Variants in PDE4D observed in about 807,000 individuals in gnomAD.
PDE4D encodes 3',5'-cyclic-AMP phosphodiesterase 4D.
A neutral mutation model predicts 87.4 loss-of-function variants in PDE4D; 24 were observed. That is an observed-to-expected ratio of 0.27 (90% CI 0.20 to 0.39). The LOEUF (loss-of-function observed/expected upper bound fraction) is 0.39, where lower values mean the gene tolerates loss of function less well. Among genes scored for constraint, PDE4D ranks in the 10% least tolerant of loss-of-function variants. The pLI, the probability that PDE4D is intolerant of heterozygous loss-of-function variation, is 1.00. For missense variants in PDE4D, 714 were observed against 1,041.0 expected (o/e 0.69, Z 4.32); for synonymous variants, 384 against 383.2 (o/e 1.00, Z -0.02).
chr5:60,104,523 T>C (rs1198937251), intron 2 of PDE4D, among the ~76,000 whole-genome samples: 2 of 152,208 alleles, frequency 1.3e-5, no homozygotes, highest in Non-Finnish European at 2.9e-5. Context: ...TCTCCCAGCA[T>C]GCAGCTGGAG....
intron 1 of PDE4D, among the ~76,000 whole-genome samples, chr5:59,218,199 T>C (rs1751693854): frequency 6.6e-6 from 1 of 152,154 alleles, no homozygotes; most frequent in South Asian, 2.1e-4. Context: ...TTATGTTTAT[T>C]TCCCTTTAAT....
rs1582605207 is a variant in PDE4D at position 59,438,561 on chromosome 5, A to G, written c.456-222593T>C. ...ACTCTTCAGTTTGTCTGAATAGTAT[A>G]CAGCTATTGCCCTGGAATGATGATT... On this transcript the variant is annotated intron_variant, in intron 1 of 14. Coordinates refer to ENST00000340635, the MANE Select transcript of PDE4D (RefSeq NM_001104631.2). Among the ~76,000 whole-genome samples the G allele has an allele frequency of 3.9e-5, 6 of 152,334 alleles. No homozygotes were observed. The South Asian group carries it at 1.2e-3, about 32-fold the overall frequency.
chr5:60,063,101 A>G (rs1771623132), intron 2 of PDE4D, among the ~76,000 whole-genome samples: 1 of 63,602 alleles, frequency 1.6e-5, no homozygotes, highest in South Asian at 4.8e-4. Flanking sequence ...GAAAGAAGAA[A>G]GAAAGAAAGA....
At chr5:58,983,569 A>G (rs1745731370) in intron 11 of PDE4D, among the ~76,000 whole-genome samples, 1 of 152,116 alleles carries the variant, frequency 6.6e-6, no homozygotes, top group Non-Finnish European at 1.5e-5. Context: ...TCAAAAGGAG[A>G]GTAGTTAGTT....
At chr5:60,085,201 A>G (rs1461714395) in intron 2 of PDE4D, among the ~76,000 whole-genome samples, 1 of 152,162 alleles carries the variant, frequency 6.6e-6, no homozygotes, top group East Asian at 1.9e-4. Context: ...ATGCAAAAAA[A>G]TGAGAGGGGA....
At chr5:59,197,051 T>C (rs1745606042) in intron 2 of PDE4D, among the ~76,000 whole-genome samples, 1 of 152,184 alleles carries the variant, frequency 6.6e-6, no homozygotes, top group South Asian at 2.1e-4. Flanking sequence ...TTCTTTATAA[T>C]TGACCTACTA....
At chr5:60,241,564 T>C (rs1303072628) in intron 1 of PDE4D, among the ~76,000 whole-genome samples, 2 of 151,972 alleles carry the variant, frequency 1.3e-5, no homozygotes, top group African/African-American at 2.4e-5. Flanking sequence ...AGTCTCTTAA[T>C]AGCAGAATTG....
chr5:59,997,629 A>G (rs1376154332), intron 2 of PDE4D, among the ~76,000 whole-genome samples: 1 of 152,168 alleles, frequency 6.6e-6, no homozygotes. Flanking sequence ...AGAGCCAGAA[A>G]TGTTGCTTTG....
At chr5:59,946,456 AGAT>A (rs1757733011) in intron 3 of PDE4D, among the ~76,000 whole-genome samples, 2 of 152,238 alleles carry the variant, frequency 1.3e-5, no homozygotes, top group South Asian at 4.1e-4. Flanking sequence ...AAGAAATAAG[AGAT>A]CAGCCAAAGC....
chr5:59,584,835 A>G (rs530689665), intron 1 of PDE4D, among the ~76,000 whole-genome samples: 2 of 152,340 alleles, frequency 1.3e-5, no homozygotes, highest in South Asian at 2.1e-4. Flanking sequence ...GTATAAAATG[A>G]ACTCTGAAGA....
intron 1 of PDE4D, among the ~76,000 whole-genome samples, chr5:60,297,462 A>G (rs1222972405): frequency 6.6e-6 from 1 of 152,238 alleles, no homozygotes; most frequent in Non-Finnish European, 1.5e-5. Flanking sequence ...GTTTGAAGAA[A>G]TAAGCATTTA....
At chr5:60,499,918 G>C (rs1285752277) in intron 1 of PDE4D, among the ~76,000 whole-genome samples, 1 of 152,082 alleles carries the variant, frequency 6.6e-6, no homozygotes, top group Non-Finnish European at 1.5e-5. Context: ...CTCAAGGTTG[G>C]ACTACATTTA....
intron 11 of PDE4D, among the ~76,000 whole-genome samples, chr5:58,981,420 G>A (rs1467901945): frequency 6.6e-6 from 1 of 151,596 alleles, no homozygotes; most frequent in Non-Finnish European, 1.5e-5. Flanking sequence ...TAAATACTAT[G>A]ATATAAAATA....
intron 1 of PDE4D, among the ~76,000 whole-genome samples, chr5:59,353,361 A>ATT (rs33953218): frequency 6.8e-6 from 1 of 147,410 alleles, no homozygotes; most frequent in African/African-American, 2.5e-5. Flanking sequence ...GTTTTTCCCC[A>ATT]TTTTTTTTTT....
intron 5 of PDE4D, among the ~76,000 whole-genome samples, chr5:59,138,106 A>G (rs1413164071): frequency 1.3e-5 from 2 of 152,238 alleles, no homozygotes; most frequent in Non-Finnish European, 2.9e-5. Context: ...CTGGGGATAC[A>G]TATTACTTCA....
intron 1 of PDE4D, among the ~76,000 whole-genome samples, chr5:60,239,687 G>A (rs1746857825): frequency 6.6e-6 from 1 of 151,810 alleles, no homozygotes; most frequent in South Asian, 2.1e-4. Flanking sequence ...TCTAATTTTT[G>A]CTGTATTCAT....
intron 6 of PDE4D, among the ~76,000 whole-genome samples, chr5:59,013,195 C>G (rs1488149523): frequency 1.3e-5 from 2 of 152,102 alleles, no homozygotes; most frequent in African/African-American, 4.8e-5. Context: ...CAAGAGAAAG[C>G]AGGAAAGATC....
intron 2 of PDE4D, among the ~76,000 whole-genome samples, chr5:60,180,632 T>C (rs1784305531): frequency 6.6e-6 from 1 of 152,180 alleles, no homozygotes; most frequent in Admixed American, 6.5e-5. Context: ...CATTGGATAC[T>C]CAGAGCCTAA....
intron 2 of PDE4D, among the ~76,000 whole-genome samples, chr5:60,020,317 G>A (rs945338459): frequency 3.9e-5 from 6 of 152,162 alleles, no homozygotes; most frequent in Non-Finnish European, 8.8e-5. Context: ...TTGAAATATT[G>A]TGAGAATTAC....
Sources: gnomAD v4.1 joint callset for allele counts (sites outside exome capture counted in the v4.1 genomes callset) on GRCh38, gnomAD v4.1.1 for gene constraint, MANE v1.5 for transcripts, NCBI Gene and HGNC (gene_info 2026-07-23, HGNC 2026-07-21) for gene names.